The following CCDC170 variants were observed in gnomAD, a reference collection of about 807,000 sequenced individuals.
CCDC170 encodes coiled-coil domain containing 170, also known as coiled-coil domain-containing protein 170.
In CCDC170, 69 loss-of-function variants were observed where a neutral mutation model predicts 72.6. The ratio of observed to expected loss-of-function variants is 0.95; its 90% CI spans 0.78 to 1.16. The LOEUF is 1.16. Ranked by LOEUF, CCDC170 falls within the 50% of genes most tolerant of loss-of-function variation. CCDC170 has a pLI of 0.00. For missense variants in CCDC170, 852 were observed against 832.5 expected (o/e 1.02, Z -0.29); for synonymous variants, 300 against 303.9 (o/e 0.99, Z 0.13).
chr6:151,617,138 C>G (rs1776981651), intron 10 of CCDC170, among the ~76,000 whole-genome samples: 1 of 152,262 alleles, frequency 6.6e-6, no homozygotes, highest in East Asian at 1.9e-4. Flanking sequence ...TGGAGGGTGC[C>G]TTTAATGAGG....
chr6:151,510,842 TCTC>T (rs2115025377), intron 1 of CCDC170, among the ~76,000 whole-genome samples: 1 of 152,240 alleles, frequency 6.6e-6, no homozygotes, highest in African/African-American at 2.4e-5. Flanking sequence ...TTTAAGCAAT[TCTC>T]CTGCCTCAGC....
intron 5 of CCDC170, among the ~76,000 whole-genome samples, chr6:151,564,623 G>A (rs1167787860): frequency 6.6e-6 from 1 of 152,178 alleles, no homozygotes; most frequent in Admixed American, 6.5e-5. Flanking sequence ...GGGCAGGCCA[G>A]GCCCTGCGCC....
At chr6:151,592,781 C>T (rs1332427044) in intron 7 of CCDC170, among the ~76,000 whole-genome samples, 2 of 152,176 alleles carry the variant, frequency 1.3e-5, no homozygotes, top group African/African-American at 2.4e-5. Context: ...GTTGCAGCAA[C>T]AAGTTGTCGA....
chr6:151,563,154 TC>T (rs1431961077), intron 5 of CCDC170, among the ~76,000 whole-genome samples: 1 of 151,958 alleles, frequency 6.6e-6, no homozygotes. Flanking sequence ...GGGGAGGTGG[TC>T]CCTTCCCTTC....
At chr6:151,594,129 A>G (rs967745383) in intron 8 of CCDC170, among the ~76,000 whole-genome samples, 1 of 152,210 alleles carries the variant, frequency 6.6e-6, no homozygotes, top group African/African-American at 2.4e-5. Context: ...TTAGTTACAT[A>G]ATTATTGGTA....
chr6:151,615,505 G>A lies in CCDC170; in HGVS notation c.1773G>A (p.Glu591=), dbSNP rs754750888. Residue 591 remains glutamate (E), a synonymous_variant, in exon 10 of 11, where the codon GAG becomes GAA. Coordinates refer to ENST00000239374, the MANE Select transcript of CCDC170 (RefSeq NM_025059.4). ...EDLNKSRDQL[E]KMKEKAEKKL... is the part of the protein sequence containing the mutation. ...TAAACAAATCCAGAGACCAACTGGA[G>A]AAGATGAAGGAGAAAGCTGAGAAAA... 6.2e-6 allele frequency: 10 copies of A among 1,613,974 alleles called. No individual in the cohort carries two copies. In the African/African-American group the frequency reaches 9.3e-5, roughly 15 times the overall value.
At chr6:151,566,907 C>T (rs1776145307) in intron 5 of CCDC170, among the ~76,000 whole-genome samples, 1 of 152,068 alleles carries the variant, frequency 6.6e-6, no homozygotes, top group Non-Finnish European at 1.5e-5. Flanking sequence ...GCTTTCAGTG[C>T]CTGTTGTATA....
chr6:151,585,806 T>C lies in CCDC170; in HGVS notation c.1093-83T>C. The C allele has an allele frequency of 3.9e-6, 5 of 1,266,534 alleles. No homozygotes were observed. The South Asian group carries it at 7.2e-5, about 18-fold the overall frequency. The allele number at this position is 1,266,534 out of a possible 1,614,324, so 78.5% of individuals were successfully genotyped here. A position where few individuals can be genotyped will look rare whatever the true frequency, so the allele number is the denominator to read the frequency against. ...TGGAAGTTGGTATCATAAACAGTTA[T>C]GCTGCTTAGGCAGAGCAGTAGATGT... On this transcript the variant is annotated intron_variant, in intron 6 of 10. Transcript: ENST00000239374.
chr6:151,520,143 G>A (rs1181367285), intron 1 of CCDC170, among the ~76,000 whole-genome samples: 1 of 152,164 alleles, frequency 6.6e-6, no homozygotes, highest in Non-Finnish European at 1.5e-5. Context: ...AATAAGTATT[G>A]CATGTTTACA....
At chr6:151,603,740 C>T (rs796461153) in intron 9 of CCDC170, among the ~76,000 whole-genome samples, 6 of 152,278 alleles carry the variant, frequency 3.9e-5, no homozygotes, top group African/African-American at 1.4e-4. Flanking sequence ...AGCTTTAGTC[C>T]TCAATGCCAT....
At position 151,494,090 on chromosome 6, in the gene CCDC170, C is replaced by A; in HGVS notation, c.-39C>A. The A allele has an allele frequency of 1.4e-6, 2 of 1,480,328 alleles. No homozygotes were observed. The highest frequency in any genetic ancestry group is 1.3e-5 in the South Asian group (1 of 77,552). 91.7% of individuals were successfully genotyped at this position (1,480,328 alleles called of 1,614,324 possible). On this transcript the variant is annotated 5_prime_UTR_variant, in exon 1 of 11. Transcript: ENST00000239374. ...CCCGGCGCCGCCGCTTCCTCAGGGCCGGTTCCGGGTCCGAGCGCGCCCCCG... is the reference window on the plus strand; with the variant it reads ...CCCGGCGCCGCCGCTTCCTCAGGGCAGGTTCCGGGTCCGAGCGCGCCCCCG...
intron 1 of CCDC170, among the ~76,000 whole-genome samples, chr6:151,528,261 G>A (rs190116913): frequency 5.9e-4 from 89 of 152,132 alleles, no homozygotes; most frequent in African/African-American, 2.0e-3. Context: ...TTTTAAATAG[G>A]GGAAAAATTT....
intron 5 of CCDC170, 74 bp from the exon 6 acceptor site, chr6:151,573,100 A>G: frequency 4.4e-6 from 6 of 1,365,282 alleles, no homozygotes; most frequent in Non-Finnish European, 6.0e-6. Flanking sequence ...AAGTCAATGA[A>G]TTTGCCATAG....
intron 9 of CCDC170, among the ~76,000 whole-genome samples, chr6:151,599,623 A>C (rs1418189273): frequency 6.6e-6 from 1 of 152,156 alleles, no homozygotes; most frequent in African/African-American, 2.4e-5. Flanking sequence ...ATTGGAGGAT[A>C]AAATTGTCAG....
At position 151,538,098 on chromosome 6, in the gene CCDC170, GA is replaced by G. The variant is rs754659242; in HGVS notation, c.243del (p.Ala82LeufsTer20). The G allele has an allele frequency of 2.5e-6, 4 of 1,613,308 alleles. No homozygotes were observed. The highest frequency in any genetic ancestry group is 1.7e-4 in the Middle Eastern group (1 of 6,058). On this transcript the variant is annotated frameshift_variant, in exon 3 of 11. Transcript: ENST00000239374. LOFTEE classifies it high-confidence loss of function. The part of the protein sequence containing the change: ...LSKEVSCQEL[K>X]AEMESYKENN... ...CTAAAGAAGTCTCCTGTCAAGAACT[GA>G]AAGCTGAAATGGAGAGCTACAAGGA...
chr6:151,551,143 A>G (rs1239627581), intron 5 of CCDC170, among the ~76,000 whole-genome samples: 2 of 152,202 alleles, frequency 1.3e-5, no homozygotes, highest in Non-Finnish European at 1.5e-5. Flanking sequence ...CAGATGCAAC[A>G]ATGGTTAGCA....
chr6:151,521,623 C>CA (rs1180921347), intron 1 of CCDC170, among the ~76,000 whole-genome samples: 1 of 152,022 alleles, frequency 6.6e-6, no homozygotes, highest in Admixed American at 6.6e-5. Flanking sequence ...TTAAGTGACC[C>CA]AGGAAATAGA....
In CCDC170 at chr6:151,618,354, T is replaced by C; in HGVS notation, c.*207T>C. 1.8e-6 allele frequency: 1 copy of C among 543,286 alleles called. No homozygotes were observed. The highest frequency in any genetic ancestry group is 3.4e-5 in the Admixed American group (1 of 29,468). The allele number at this position is 543,286 out of a possible 1,614,324, so 33.7% of individuals were successfully genotyped here. On this transcript the variant is annotated 3_prime_UTR_variant, in exon 11 of 11. Coordinates refer to ENST00000239374, the MANE Select transcript of CCDC170 (RefSeq NM_025059.4). ...TAAAAACGCCTATTATTTCATTTAC[T>C]AGCATTTTAGGATCCAGAAGAATTC...
chr6:151,617,528 G>T (rs950871680), intron 10 of CCDC170, among the ~76,000 whole-genome samples: 4 of 138,260 alleles, frequency 2.9e-5, no homozygotes, highest in African/African-American at 5.3e-5. Flanking sequence ...ACCAACATTT[G>T]TTTAGTTCTT....
Sources: allele counts gnomAD v4.1 joint callset (sites outside exome capture counted in the v4.1 genomes callset), GRCh38; gene constraint gnomAD v4.1.1; transcripts MANE v1.5; gene names NCBI Gene and HGNC (gene_info 2026-07-23, HGNC 2026-07-21).